The following SLC39A11 variants were observed in gnomAD, a reference collection of about 807,000 sequenced individuals.
The protein encoded by SLC39A11 is solute carrier family 39 member 11, also known as zinc transporter ZIP11.
A neutral mutation model predicts 36.1 loss-of-function variants in SLC39A11; 33 were observed. The ratio of observed to expected loss-of-function variants is 0.91; its 90% CI spans 0.69 to 1.22. SLC39A11 has a LOEUF of 1.22. SLC39A11 is among the 50% of genes most tolerant of loss of function. SLC39A11 has a pLI of 0.00. For synonymous variants in SLC39A11, 166 were observed against 170.3 expected, an observed-to-expected ratio of 0.97 and a Z score of 0.20; for missense variants, 432 against 430.3, an observed-to-expected ratio of 1.00 and a Z score of -0.03.
chr17:72,718,731 C>G (rs1443759914), intron 7 of SLC39A11, among the ~76,000 whole-genome samples: 1 of 152,202 alleles, frequency 6.6e-6, no homozygotes, highest in Non-Finnish European at 1.5e-5. Context: ...CTCTTGGACA[C>G]AGCCTGCTTC....
intron 5 of SLC39A11, among the ~76,000 whole-genome samples, chr17:72,897,208 C>A (rs1490681111): frequency 6.6e-6 from 1 of 152,112 alleles, no homozygotes; most frequent in Non-Finnish European, 1.5e-5. Context: ...AAGGCCTGAA[C>A]TGAGAGGACC....
chr17:72,670,217 A>ATG (rs2070962761), intron 7 of SLC39A11, among the ~76,000 whole-genome samples: 5 of 123,388 alleles, frequency 4.1e-5, no homozygotes, highest in African/African-American at 1.2e-4. Flanking sequence ...ACACACATAT[A>ATG]TATATATGCC....
chr17:72,923,769 T>C (rs992547199), intron 5 of SLC39A11, among the ~76,000 whole-genome samples: 2 of 152,090 alleles, frequency 1.3e-5, no homozygotes, highest in South Asian at 2.1e-4. Flanking sequence ...TCCAATAGGA[T>C]TGAGGCGGGA....
intron 3 of SLC39A11, among the ~76,000 whole-genome samples, chr17:73,079,361 T>G (rs1046997901): frequency 6.6e-6 from 1 of 152,192 alleles, no homozygotes; most frequent in African/African-American, 2.4e-5. Context: ...CCTCCCAAAG[T>G]GCTGGGATTA....
intron 7 of SLC39A11, among the ~76,000 whole-genome samples, chr17:72,722,309 T>A (rs1162759247): frequency 2.0e-5 from 3 of 152,194 alleles, no homozygotes; most frequent in Non-Finnish European, 4.4e-5. Context: ...AGGGAACACA[T>A]TTTAAAAATA....
chr17:72,938,295 C>T (rs971671850), intron 5 of SLC39A11, among the ~76,000 whole-genome samples: 4 of 152,172 alleles, frequency 2.6e-5, no homozygotes, highest in Non-Finnish European at 5.9e-5. Flanking sequence ...GGAAGTGTTA[C>T]ATGGGCCCCA....
chr17:72,770,970 A>C (rs1598651449), intron 6 of SLC39A11, among the ~76,000 whole-genome samples: 1 of 152,050 alleles, frequency 6.6e-6, no homozygotes, highest in Non-Finnish European at 1.5e-5. Flanking sequence ...TCTAGGACAC[A>C]CTTTGGTTAT....
chr17:72,660,307 T>C (rs1444114229), intron 7 of SLC39A11, among the ~76,000 whole-genome samples: 2 of 152,216 alleles, frequency 1.3e-5, no homozygotes, highest in Non-Finnish European at 1.5e-5. Flanking sequence ...AAAATGACGA[T>C]AACCACTGCT....
rs73349328 is a variant in SLC39A11 at position 72,972,081 on chromosome 17, C to T, written c.307-24206G>A. Among the ~76,000 whole-genome samples, 297 of 152,284 alleles carry T rather than the reference C, an allele frequency of 2.0e-3. 2 individuals carry two copies. Among genetic ancestry groups the T allele is most frequent in the African/African-American group, 6.7e-3 (280 of 41,546 alleles). On this transcript the variant is annotated intron_variant, in intron 4 of 9. Coordinates refer to ENST00000255559, the MANE Select transcript of SLC39A11 (RefSeq NM_139177.4). ...GGAACTACCTTAGCAGTGGAAGGAACAGAGAAGGAGAAAGAAAAACGGTCT... is the reference window on the plus strand; with the variant it reads ...GGAACTACCTTAGCAGTGGAAGGAATAGAGAAGGAGAAAGAAAAACGGTCT...
At chr17:72,938,554 C>T (rs1177115806) in intron 5 of SLC39A11, among the ~76,000 whole-genome samples, 1 of 152,156 alleles carries the variant, frequency 6.6e-6, no homozygotes, top group Non-Finnish European at 1.5e-5. Context: ...ACCAACGTGC[C>T]ACCCTGTTGC....
At chr17:72,716,974 A>AT (rs1362158317) in intron 7 of SLC39A11, among the ~76,000 whole-genome samples, 1,649 of 120,200 alleles carry the variant, frequency 0.014, 53 homozygotes, top group African/African-American at 0.059. Context: ...GTCTCAAAAA[A>AT]AAAAAAATAT....
At chr17:72,723,205 T>A (rs886417018) in intron 7 of SLC39A11, among the ~76,000 whole-genome samples, 11 of 152,156 alleles carry the variant, frequency 7.2e-5, no homozygotes, top group African/African-American at 2.7e-4. Flanking sequence ...CAGGTGCTTG[T>A]CAGGTGAAGT....
At chr17:72,764,461 T>C (rs1253261745) in intron 6 of SLC39A11, among the ~76,000 whole-genome samples, 1 of 152,180 alleles carries the variant, frequency 6.6e-6, no homozygotes, top group Admixed American at 6.5e-5. Context: ...CTCCCCATGG[T>C]GGGTAACTGT....
intron 5 of SLC39A11, among the ~76,000 whole-genome samples, chr17:72,877,149 CAT>C (rs1567868378): frequency 6.6e-6 from 1 of 152,230 alleles, no homozygotes; most frequent in Non-Finnish European, 1.5e-5. Context: ...AACACACACA[CAT>C]ACACTCCCTT....
chr17:72,976,743 G>A (rs906655049), intron 4 of SLC39A11, among the ~76,000 whole-genome samples: 12 of 152,004 alleles, frequency 7.9e-5, no homozygotes, highest in South Asian at 2.1e-4. Context: ...CCAGCTCCTC[G>A]GGAGGCTGAG....
chr17:72,960,300 C>CATAG (rs941157809), intron 4 of SLC39A11, among the ~76,000 whole-genome samples: 4 of 152,036 alleles, frequency 2.6e-5, no homozygotes, highest in Admixed American at 1.3e-4. Context: ...TAGCATTCAT[C>CATAG]ATAGATAGAT....
chr17:73,033,511 G>A (rs2058805826), intron 3 of SLC39A11, among the ~76,000 whole-genome samples: 2 of 152,204 alleles, frequency 1.3e-5, no homozygotes, highest in Admixed American at 1.3e-4. Context: ...TGTAGTCCTA[G>A]CTACTGGGGA....
intron 6 of SLC39A11, among the ~76,000 whole-genome samples, chr17:72,792,779 A>T (rs2076755857): frequency 6.6e-6 from 1 of 152,132 alleles, no homozygotes; most frequent in Non-Finnish European, 1.5e-5. Flanking sequence ...GCTCCTTTAT[A>T]TGGGGGTTGC....
intron 6 of SLC39A11, among the ~76,000 whole-genome samples, chr17:72,820,332 G>A (rs946070449): frequency 1.3e-5 from 2 of 151,136 alleles, no homozygotes; most frequent in Non-Finnish European, 3.0e-5. Flanking sequence ...TTAAGTTCTT[G>A]CGATGTCCCA....
Sources: allele counts gnomAD v4.1 joint callset (sites outside exome capture counted in the v4.1 genomes callset), GRCh38; gene constraint gnomAD v4.1.1; transcripts MANE v1.5; gene names NCBI Gene and HGNC (gene_info 2026-07-23, HGNC 2026-07-21).